CNTNAP2: variants seen among roughly 807,000 people sequenced by gnomAD.
CNTNAP2 encodes the protein contactin-associated protein-like 2.
In CNTNAP2, 98 loss-of-function variants were observed where a neutral mutation model predicts 155.2. The ratio of observed to expected loss-of-function variants is 0.63; its 90% CI spans 0.54 to 0.75. The LOEUF is 0.75. Ranked by LOEUF, CNTNAP2 falls within the 30% of genes least tolerant of loss-of-function variation. CNTNAP2 has a pLI of 0.00. For missense variants in CNTNAP2, 1,727 were observed against 1,688.1 expected (o/e 1.02, Z -0.40); for synonymous variants, 651 against 631.2 (o/e 1.03, Z -0.47).
intron 9 of CNTNAP2, among the ~76,000 whole-genome samples, chr7:147,341,772 A>G (rs929650049): frequency 2.2e-4 from 3 of 13,738 alleles, no homozygotes; most frequent in Non-Finnish European, 5.6e-4. Context: ...ATACACATAC[A>G]CACACACACA....
At chr7:146,406,261 C>A (rs1795790070) in intron 1 of CNTNAP2, among the ~76,000 whole-genome samples, 1 of 152,162 alleles carries the variant, frequency 6.6e-6, no homozygotes, top group Admixed American at 6.6e-5. Flanking sequence ...CACTGTTTAG[C>A]AAATATCTTT....
chr7:146,904,217 C>A (rs1796067586), intron 3 of CNTNAP2, among the ~76,000 whole-genome samples: 1 of 152,074 alleles, frequency 6.6e-6, no homozygotes. Context: ...GTTACTCTAG[C>A]ATAGCAAGCA....
At chr7:147,066,735 T>C (rs1186032328) in intron 4 of CNTNAP2, among the ~76,000 whole-genome samples, 1 of 152,172 alleles carries the variant, frequency 6.6e-6, no homozygotes, top group African/African-American at 2.4e-5. Context: ...CCAACCATGG[T>C]GGGTATTTAT....
chr7:146,729,901 G>C (rs777649706), intron 1 of CNTNAP2, among the ~76,000 whole-genome samples: 5 of 152,170 alleles, frequency 3.3e-5, no homozygotes, highest in Non-Finnish European at 5.9e-5. Context: ...GGACAGTAGA[G>C]CTAATTTAAA....
At chr7:147,622,035 C>T (rs781490725) in intron 12 of CNTNAP2, among the ~76,000 whole-genome samples, 1 of 151,750 alleles carries the variant, frequency 6.6e-6, no homozygotes, top group Non-Finnish European at 1.5e-5. Context: ...TAATAAGACA[C>T]AAAGAAGGTC....
At chr7:147,889,865 C>G (rs556235692) in intron 13 of CNTNAP2, among the ~76,000 whole-genome samples, 1 of 152,250 alleles carries the variant, frequency 6.6e-6, no homozygotes, top group African/African-American at 2.4e-5. Context: ...TCAATGCACA[C>G]ATAGTACTAT....
At chr7:148,326,621 C>T (rs575826287) in intron 21 of CNTNAP2, among the ~76,000 whole-genome samples, 4 of 152,000 alleles carry the variant, frequency 2.6e-5, no homozygotes, top group African/African-American at 9.6e-5. Flanking sequence ...AATCCCAGCA[C>T]TTTCGGAGGC....
In CNTNAP2 at chr7:147,346,153, AT is replaced by A. The variant is rs1276421589; in HGVS notation, c.1498+45875del. Among the ~76,000 whole-genome samples the A allele has an allele frequency of 3.4e-3, 148 of 43,646 alleles. 3 individuals carry two copies. Among genetic ancestry groups the A allele is most frequent in the Admixed American group, 0.011 (40 of 3,774 alleles). The allele number at this position is 43,646 out of a possible 152,430, so 28.6% of individuals were successfully genotyped here. A position where few individuals can be genotyped will look rare whatever the true frequency, so the allele number is the denominator to read the frequency against. On this transcript the variant is annotated intron_variant, in intron 9 of 23. Transcript: ENST00000361727. ...ATTTTATTTTATTTTATTTTATTTT[AT>A]TTTTTTTTTTTGAGACAGAGTCTCG... is the stretch of plus-strand genomic sequence containing the variant.
Position 148,366,090 on chromosome 7 carries a change from A to G in CNTNAP2, c.3476-17559A>G, listed in dbSNP as rs531151217. ...TATGCATGTATGTGTGTGCATGTAT[A>G]CATGTATGTGTATGCATGTATGCAT... is the stretch of plus-strand genomic sequence containing the variant. On this transcript the variant is annotated intron_variant, in intron 21 of 23. Transcript: ENST00000361727. Among the ~76,000 whole-genome samples the G allele has an allele frequency of 6.7e-3, 121 of 17,974 alleles. 58 individuals are homozygous for G. The highest frequency in any genetic ancestry group is 0.015 in the African/African-American group (115 of 7,872). The allele number at this position is 17,974 out of a possible 152,430, so 11.8% of individuals were successfully genotyped here. A position where few individuals can be genotyped will look rare whatever the true frequency, so the allele number is the denominator to read the frequency against.
At chr7:147,602,530 G>T (rs1800970356) in intron 12 of CNTNAP2, among the ~76,000 whole-genome samples, 1 of 150,360 alleles carries the variant, frequency 6.7e-6, no homozygotes, top group Non-Finnish European at 1.5e-5. Context: ...GGGTACATGT[G>T]CATAATGTGC....
chr7:147,789,292 C>G (rs551022672), intron 13 of CNTNAP2, among the ~76,000 whole-genome samples: 1 of 152,176 alleles, frequency 6.6e-6, no homozygotes, highest in African/African-American at 2.4e-5. Flanking sequence ...TCACCACTAT[C>G]CAAACCACAA....
intron 22 of CNTNAP2, among the ~76,000 whole-genome samples, chr7:148,404,247 G>A (rs750372311): frequency 1.3e-5 from 2 of 152,238 alleles, no homozygotes; most frequent in Non-Finnish European, 2.9e-5. Flanking sequence ...ATTGGTCTCT[G>A]ACTTGAAGAG....
chr7:146,568,529 A>G (rs187295580), intron 1 of CNTNAP2, among the ~76,000 whole-genome samples: 1 of 152,292 alleles, frequency 6.6e-6, no homozygotes, highest in Non-Finnish European at 1.5e-5. Context: ...GCTTGCTTCT[A>G]TTGCTCTAAC....
At chr7:148,166,774 T>C (rs182325263) in intron 17 of CNTNAP2, among the ~76,000 whole-genome samples, 1 of 152,320 alleles carries the variant, frequency 6.6e-6, no homozygotes, top group African/African-American at 2.4e-5. Flanking sequence ...TGACAATGTG[T>C]TGATTTTCTA....
At chr7:147,028,585 C>T (rs10232417) in intron 3 of CNTNAP2, among the ~76,000 whole-genome samples, 98,651 of 151,998 alleles carry the variant, frequency 0.65, 33,525 homozygotes, top group African/African-American at 0.86. Context: ...GATTTGTCCC[C>T]TGTTAGACTG....
At chr7:146,558,407 C>CT (rs1003095122) in intron 1 of CNTNAP2, among the ~76,000 whole-genome samples, 5 of 150,946 alleles carry the variant, frequency 3.3e-5, no homozygotes, top group South Asian at 2.1e-4. Context: ...CTGGCATGTA[C>CT]TTTTTTTTTA....
intron 3 of CNTNAP2, among the ~76,000 whole-genome samples, chr7:146,882,927 C>T (rs1220718785): frequency 6.6e-6 from 1 of 152,060 alleles, no homozygotes; most frequent in Non-Finnish European, 1.5e-5. Flanking sequence ...AGAGATGATG[C>T]AAATAAATGG....
chr7:147,357,479 A>C (rs1437654180), intron 9 of CNTNAP2, among the ~76,000 whole-genome samples: 3 of 152,170 alleles, frequency 2.0e-5, no homozygotes, highest in Middle Eastern at 3.4e-3. Flanking sequence ...GAATCTGTTG[A>C]TCCTACATGC....
chr7:146,863,817 A>C (rs1795150618), intron 3 of CNTNAP2, among the ~76,000 whole-genome samples: 1 of 152,124 alleles, frequency 6.6e-6, no homozygotes, highest in Admixed American at 6.6e-5. Context: ...ATGGACAAAA[A>C]GTGTTAGTTG....
Sources: gnomAD v4.1 joint callset for allele counts (sites outside exome capture counted in the v4.1 genomes callset) on GRCh38, gnomAD v4.1.1 for gene constraint, MANE v1.5 for transcripts, NCBI Gene and HGNC (gene_info 2026-07-23, HGNC 2026-07-21) for gene names.